GRIK1: variants seen among roughly 807,000 people sequenced by gnomAD.
The protein encoded by GRIK1 is glutamate receptor ionotropic, kainate 1.
A neutral mutation model predicts 105.7 loss-of-function variants in GRIK1; 69 were observed. The observed-to-expected ratio is 0.65, with a 90% CI of 0.54 to 0.80. The LOEUF is 0.80. Among genes scored for constraint, GRIK1 ranks in the 30% least tolerant of loss-of-function variants. GRIK1 has a pLI of 0.00. For missense variants in GRIK1, 1,109 were observed against 1,167.3 expected, an observed-to-expected ratio of 0.95 and a Z score of 0.73; for synonymous variants, 438 against 431.3, an observed-to-expected ratio of 1.02 and a Z score of -0.19.
intron 16 of GRIK1, among the ~76,000 whole-genome samples, chr21:29,551,300 A>C (rs939091286): frequency 6.6e-6 from 1 of 152,226 alleles, no homozygotes; most frequent in Non-Finnish European, 1.5e-5. Context: ...ACACATTTTG[A>C]AAAACACCCC....
chr21:29,933,541 T>A (rs900357660), intron 1 of GRIK1, among the ~76,000 whole-genome samples: 3 of 152,156 alleles, frequency 2.0e-5, no homozygotes, highest in African/African-American at 7.2e-5. Flanking sequence ...AATCTTCAAG[T>A]AAGAACATTT....
chr21:29,659,732 G>T (rs2062925048), intron 4 of GRIK1, among the ~76,000 whole-genome samples: 1 of 152,122 alleles, frequency 6.6e-6, no homozygotes, highest in Non-Finnish European at 1.5e-5. Context: ...AGGCCGAGTT[G>T]GACGGATCAC....
chr21:29,919,075 TA>T (rs1158775726), intron 1 of GRIK1, among the ~76,000 whole-genome samples: 1 of 151,824 alleles, frequency 6.6e-6, no homozygotes, highest in Non-Finnish European at 1.5e-5. Context: ...TCTGCAGCTT[TA>T]GGAGAGAGGC....
intron 1 of GRIK1, among the ~76,000 whole-genome samples, chr21:29,698,368 T>C (rs1322521218): frequency 1.3e-5 from 2 of 152,170 alleles, no homozygotes; most frequent in African/African-American, 4.8e-5. Context: ...AGTTGTCCCC[T>C]CCCCTTGTAT....
intron 4 of GRIK1, among the ~76,000 whole-genome samples, chr21:29,663,722 G>C (rs2146609114): frequency 6.6e-6 from 1 of 152,264 alleles, no homozygotes; most frequent in South Asian, 2.1e-4. Context: ...CAGATGTGGA[G>C]AGCTCTGCAT....
chr21:29,917,658 A>AT (rs1198662890), intron 1 of GRIK1, among the ~76,000 whole-genome samples: 7 of 151,856 alleles, frequency 4.6e-5, no homozygotes, highest in African/African-American at 1.7e-4. Flanking sequence ...GTCTCTAAGC[A>AT]TTTTTTTCTA....
At chr21:29,919,509 T>C (rs2071120635) in intron 1 of GRIK1, among the ~76,000 whole-genome samples, 2 of 152,138 alleles carry the variant, frequency 1.3e-5, no homozygotes, top group African/African-American at 2.4e-5. Context: ...ACATAACTTG[T>C]TCAGGATAGG....
intron 1 of GRIK1, among the ~76,000 whole-genome samples, chr21:29,859,734 CATT>C (rs1215279054): frequency 3.3e-5 from 5 of 152,252 alleles, no homozygotes; most frequent in African/African-American, 1.2e-4. Flanking sequence ...ATAAGCACCA[CATT>C]ATTATCTTGC....
chr21:29,668,431 A>C (rs1290295002), intron 4 of GRIK1, among the ~76,000 whole-genome samples: 9 of 152,184 alleles, frequency 5.9e-5, no homozygotes. Flanking sequence ...CCGCAAGTGC[A>C]AAGGCTATGA....
chr21:29,740,439 A>T, intron 1 of GRIK1, among the ~76,000 whole-genome samples: 1 of 152,066 alleles, frequency 6.6e-6, no homozygotes, highest in Non-Finnish European at 1.5e-5. Context: ...GATGGTCTCA[A>T]TCTCCTGACC....
At chr21:29,675,952 T>C (rs537198983) in intron 3 of GRIK1, among the ~76,000 whole-genome samples, 4 of 152,308 alleles carry the variant, frequency 2.6e-5, no homozygotes, top group African/African-American at 7.2e-5. Context: ...TAATTAACTA[T>C]ATTAATACAT....
At chr21:29,739,864 A>G (rs948792350) in intron 1 of GRIK1, among the ~76,000 whole-genome samples, 2 of 152,230 alleles carry the variant, frequency 1.3e-5, no homozygotes, top group Non-Finnish European at 2.9e-5. Flanking sequence ...TTTTTATATT[A>G]TCACCTTTCT....
rs73900020 is a variant in GRIK1, at chr21:29,592,343, A to G, written c.1252-1118T>C. Among the ~76,000 whole-genome samples the G allele has an allele frequency of 3.0e-3, 461 of 152,304 alleles. 4 individuals carry two copies. The highest frequency in any genetic ancestry group is 0.011 in the African/African-American group (451 of 41,560). On this transcript the variant is annotated intron_variant, in intron 9 of 17. Coordinates refer to ENST00000327783, the MANE Select transcript of GRIK1 (RefSeq NM_001330994.2). ...TACTGTCACAAAACCAACCATGGCA[A>G]CTGGCATTCAGTAAAGCCCATTACT...
intron 1 of GRIK1, among the ~76,000 whole-genome samples, chr21:29,743,671 G>A (rs1295007634): frequency 1.3e-5 from 2 of 151,706 alleles, no homozygotes; most frequent in Admixed American, 1.3e-4. Context: ...CTCTAGCGTG[G>A]GTGATAGAGT....
chr21:29,664,933 C>T (rs2063031493), intron 4 of GRIK1, among the ~76,000 whole-genome samples: 1 of 152,144 alleles, frequency 6.6e-6, no homozygotes, highest in Non-Finnish European at 1.5e-5. Flanking sequence ...GTTTGTTGAT[C>T]CAATAGGCTT....
At chr21:29,627,317 T>C (rs1006856814) in intron 7 of GRIK1, among the ~76,000 whole-genome samples, 1 of 152,218 alleles carries the variant, frequency 6.6e-6, no homozygotes, top group Non-Finnish European at 1.5e-5. Context: ...TCCAAAATAT[T>C]TGTGGAAGGC....
chr21:29,928,921 G>A (rs560798940), intron 1 of GRIK1, among the ~76,000 whole-genome samples: 2 of 152,258 alleles, frequency 1.3e-5, no homozygotes, highest in South Asian at 2.1e-4. Context: ...AATAGAAAGC[G>A]AGGAAACTCC....
At chr21:29,736,716 C>T (rs547246081) in intron 1 of GRIK1, among the ~76,000 whole-genome samples, 6 of 143,640 alleles carry the variant, frequency 4.2e-5, no homozygotes, top group South Asian at 4.4e-4. Flanking sequence ...CTTGCTCTGT[C>T]GCCCAGGCTG....
intron 1 of GRIK1, among the ~76,000 whole-genome samples, chr21:29,764,251 T>C (rs2065601305): frequency 6.6e-6 from 1 of 152,142 alleles, no homozygotes; most frequent in Non-Finnish European, 1.5e-5. Flanking sequence ...GAAAACATTA[T>C]CTAGGATTAA....
Sources: allele counts gnomAD v4.1 joint callset (sites outside exome capture counted in the v4.1 genomes callset), GRCh38; gene constraint gnomAD v4.1.1; transcripts MANE v1.5; gene names NCBI Gene and HGNC (gene_info 2026-07-23, HGNC 2026-07-21).